Variants in B4GALNT3 observed in about 807,000 individuals in gnomAD.
B4GALNT3 encodes the protein beta-1,4-N-acetyl-galactosaminyltransferase 3.
Under a neutral mutation model 120.2 loss-of-function variants are expected in B4GALNT3, and 86 were observed. That is an observed-to-expected ratio of 0.72 (90% CI 0.60 to 0.86). B4GALNT3 has a LOEUF of 0.86. Among genes scored for constraint, B4GALNT3 ranks in the 40% least tolerant of loss-of-function variants. The pLI is 0.00. For synonymous variants in B4GALNT3, 518 were observed against 510.4 expected (o/e 1.01, Z -0.20); for missense variants, 1,167 against 1,298.9 (o/e 0.90, Z 1.56).
intron 1 of B4GALNT3, among the ~76,000 whole-genome samples, chr12:480,589 G>T (rs1240039041): frequency 6.6e-6 from 1 of 152,086 alleles, no homozygotes; most frequent in Non-Finnish European, 1.5e-5. Flanking sequence ...ATGATAAGGA[G>T]CCCTGGGGAG....
chr12:476,359 G>A (rs978470955), intron 1 of B4GALNT3, among the ~76,000 whole-genome samples: 1 of 152,164 alleles, frequency 6.6e-6, no homozygotes, highest in Non-Finnish European at 1.5e-5. Flanking sequence ...TAGAGGCTGA[G>A]GTAAGAGAAT....
At chr12:554,573 G>A (rs12298733) in intron 14 of B4GALNT3, among the ~76,000 whole-genome samples, 64,693 of 149,338 alleles carry the variant, frequency 0.43, 17,249 homozygotes, top group African/African-American at 0.76. Flanking sequence ...GGCGGATCAC[G>A]AGGTCAGGAG....
chr12:473,543 A>G (rs972058667), intron 1 of B4GALNT3, among the ~76,000 whole-genome samples: 5 of 152,208 alleles, frequency 3.3e-5, no homozygotes, highest in South Asian at 2.1e-4. Flanking sequence ...CTCTGCCACA[A>G]TCATTTAATT....
chr12:545,540 C>G (rs893230477), intron 6 of B4GALNT3, 71 bp downstream of exon 6: 43 of 1,410,332 alleles, frequency 3.0e-5, no homozygotes, highest in Non-Finnish European at 4.1e-5. Context: ...CCAGCAGCTG[C>G]TCATTACTGT....
intron 13 of B4GALNT3, chr12:552,871 T>TG (rs1565610579): frequency 1.0e-5 from 5 of 489,686 alleles, no homozygotes; most frequent in Non-Finnish European, 1.8e-5. Context: ...GGGCCTTTCT[T>TG]GGGGGATTAG....
Position 460,055 on chromosome 12 carries a change from C to T in B4GALNT3, c.-322C>T, listed in dbSNP as rs569775499. ...CCTCCTTCTGGGCAGCGAGTGAGGG[C>T]GGGCGCGCAGGGAGGGAGGGCGGCA... is the stretch of plus-strand genomic sequence containing the variant. On this transcript the variant is annotated 5_prime_UTR_variant, in exon 1 of 20. Coordinates refer to ENST00000266383, the MANE Select transcript of B4GALNT3 (RefSeq NM_173593.4). This position sits in a 1 kb window ranked among gnomAD's most constrained non-coding sequence, Gnocchi z 8.0. Among the ~76,000 whole-genome samples the T allele has an allele frequency of 4.7e-3, 697 of 149,700 alleles. 5 individuals carry two copies. The highest frequency in any genetic ancestry group is 6.8e-3 in the Non-Finnish European group (455 of 67,146).
Position 513,037 on chromosome 12 carries a change from TCTTCCAC to T in B4GALNT3, c.170-22110_170-22104del, listed in dbSNP as rs1284691812. On this transcript the variant is annotated intron_variant, in intron 1 of 19. Coordinates refer to ENST00000266383, the MANE Select transcript of B4GALNT3 (RefSeq NM_173593.4). ...GCCTTCCACCTTCCACCTTCCACCT[TCTTCCAC>T]CTTCCACCTTCCACCTTCTTCCACC... Among the ~76,000 whole-genome samples, 137 of 108,074 alleles carry T rather than the reference TCTTCCAC, an allele frequency of 1.3e-3. 1 individual carries two copies. The highest frequency in any genetic ancestry group is 7.3e-3 in the South Asian group (22 of 3,014). The allele number at this position is 108,074 out of a possible 152,430, so 70.9% of individuals were successfully genotyped here.
At position 550,425 on chromosome 12, in the gene B4GALNT3, G is replaced by A. The variant is rs1947066102; in HGVS notation, c.998-497G>A. Among the ~76,000 whole-genome samples the A allele has an allele frequency of 6.6e-6, 1 of 152,102 alleles. No individual in the cohort carries two copies. Among genetic ancestry groups the A allele is most frequent in the African/African-American group, 2.4e-5 (1 of 41,418 alleles). ...GATCGCTTGAGCCCAGGAGGTTGAGGCTGCAGTGAGCTGTGATTGAACCAC... is the reference window on the plus strand; with the variant it reads ...GATCGCTTGAGCCCAGGAGGTTGAGACTGCAGTGAGCTGTGATTGAACCAC... On this transcript the variant is annotated intron_variant, in intron 10 of 19. Transcript: ENST00000266383. This position sits in a 1 kb window ranked among gnomAD's most constrained non-coding sequence, Gnocchi z 4.1.
At chr12:475,257 A>G (rs10849066) in intron 1 of B4GALNT3, among the ~76,000 whole-genome samples, 13,611 of 152,204 alleles carry the variant, frequency 0.089, 894 homozygotes, top group African/African-American at 0.18. Flanking sequence ...ACCCCTATAC[A>G]TGGATCCCTA....
intron 1 of B4GALNT3, among the ~76,000 whole-genome samples, chr12:462,828 A>C (rs1287097478): frequency 6.6e-6 from 1 of 152,170 alleles, no homozygotes; most frequent in East Asian, 1.9e-4. Flanking sequence ...GTTGTTAAGA[A>C]GCCCAGACAT....
At chr12:484,326 C>T (rs1020478309) in intron 1 of B4GALNT3, among the ~76,000 whole-genome samples, 5 of 152,160 alleles carry the variant, frequency 3.3e-5, no homozygotes, top group African/African-American at 1.2e-4. Flanking sequence ...TTACCCCACC[C>T]CTAATGCAAG....
At chr12:489,039 G>A (rs866274810) in intron 1 of B4GALNT3, among the ~76,000 whole-genome samples, 9 of 151,942 alleles carry the variant, frequency 5.9e-5, no homozygotes, top group African/African-American at 1.2e-4. Context: ...GCTGGAAACC[G>A]TCATTTTCAG....
In B4GALNT3 at chr12:477,573, C is replaced by T. The variant is rs574200941; in HGVS notation, c.169+17028C>T. ...TGTTGCACACTCCCGTCCTGAGAAA[C>T]GGAACCCATTCCAGTGTACAGCTTC... On this transcript the variant is annotated intron_variant, in intron 1 of 19. Transcript: ENST00000266383. Among the ~76,000 whole-genome samples the T allele has an allele frequency of 3.3e-5, 5 of 152,326 alleles. No individual in the cohort carries two copies. The South Asian group carries it at 6.2e-4, about 19-fold the overall frequency.
intron 15 of B4GALNT3, among the ~76,000 whole-genome samples, chr12:557,362 C>T (rs1265738554): frequency 6.6e-6 from 1 of 152,152 alleles, no homozygotes; most frequent in Non-Finnish European, 1.5e-5. Flanking sequence ...AAGGCCTTCT[C>T]GTGGGTCCCC....
chr12:556,073 GCA>G (rs1486194045), intron 14 of B4GALNT3, among the ~76,000 whole-genome samples: 25 of 152,244 alleles, frequency 1.6e-4, no homozygotes, highest in African/African-American at 5.1e-4. Flanking sequence ...GTGAGCCACT[GCA>G]CCTGGCATTG....
chr12:473,671 T>G (rs1292946046), intron 1 of B4GALNT3, among the ~76,000 whole-genome samples: 18 of 152,148 alleles, frequency 1.2e-4, no homozygotes, highest in Admixed American at 1.1e-3. Context: ...TACAGAAGAA[T>G]GCAAAGGGTG....
chr12:514,714 G>T (rs1946635372), intron 1 of B4GALNT3, among the ~76,000 whole-genome samples: 1 of 152,086 alleles, frequency 6.6e-6, no homozygotes, highest in Admixed American at 6.6e-5. Flanking sequence ...GTTTAGAATT[G>T]AATCAGAATA....
Position 558,626 on chromosome 12 carries a change from G to T in B4GALNT3, c.2726G>T (p.Arg909Met). Residue 909 changes from arginine (R) to methionine (M), a missense_variant, in exon 18 of 20, where the codon AGG (arginine) becomes ATG (methionine). By Grantham distance (91) the Arg-to-Met change is moderately conservative. Coordinates refer to ENST00000266383, the MANE Select transcript of B4GALNT3 (RefSeq NM_173593.4). ...GKMAFAPMVM[R>M]LHCGATPQWP... is the part of the protein sequence containing the mutation. ...ATGGCCTTTGCCCCCATGGTGATGAGGCTGCATTGTGGGGCCACCCCCCAG... is the reference window on the plus strand; with the variant it reads ...ATGGCCTTTGCCCCCATGGTGATGATGCTGCATTGTGGGGCCACCCCCCAG... 5 of 1,614,104 alleles carry T rather than the reference G, an allele frequency of 3.1e-6. No individual in the cohort carries two copies. The highest frequency in any genetic ancestry group is 4.2e-6 in the Non-Finnish European group (5 of 1,180,002).
At chr12:546,244 G>C (rs1309288735) in intron 6 of B4GALNT3, among the ~76,000 whole-genome samples, 6 of 50,896 alleles carry the variant, frequency 1.2e-4, no homozygotes, top group African/African-American at 3.9e-4. Flanking sequence ...GTGGGGAGGT[G>C]GGGAGAGGAG....
Sources: gnomAD v4.1 joint callset for allele counts (sites outside exome capture counted in the v4.1 genomes callset) on GRCh38, gnomAD v4.1.1 for gene constraint, Gnocchi (gnomAD v3.1) non-coding constraint, MANE v1.5 for transcripts, NCBI Gene and HGNC (gene_info 2026-07-23, HGNC 2026-07-21) for gene names.